The following RCVRN variants were observed in gnomAD, a reference collection of about 807,000 sequenced individuals.
The protein encoded by RCVRN is recoverin.
In RCVRN, 23 loss-of-function variants were observed where a neutral mutation model predicts 20.4. The observed-to-expected ratio is 1.13, with a 90% CI of 0.81 to 1.60. The LOEUF (loss-of-function observed/expected upper bound fraction) is 1.60. RCVRN is among the 40% of genes most tolerant of loss of function. The pLI, the probability that RCVRN is intolerant of heterozygous loss-of-function variation, is 0.00. For missense variants in RCVRN, 254 were observed against 254.2 expected (o/e 1.00, Z 0.00); for synonymous variants, 105 against 105.9 (o/e 0.99, Z 0.05).
Position 9,904,743 on chromosome 17 carries a change from C to T in RCVRN, c.381+57G>A. 6.4e-7 allele frequency: 1 copy of T among 1,567,008 alleles called. No homozygotes were observed. Among genetic ancestry groups the T allele is most frequent in the Non-Finnish European group, 8.7e-7 (1 of 1,153,784 alleles). ...CTCTGCAGCAGCTGCAGCAGGGGAC[C>T]CCCAGCCCGGAGCGACCCCGGCACC... On this transcript the variant is annotated intron_variant, in intron 1 of 2. Coordinates refer to ENST00000226193, the MANE Select transcript of RCVRN (RefSeq NM_002903.3). The surrounding 1 kb of genome is among the most constrained non-coding windows in gnomAD (Gnocchi z 5.8).
intron 1 of RCVRN, among the ~76,000 whole-genome samples, chr17:9,902,276 T>G (rs190249930): frequency 6.2e-4 from 95 of 152,274 alleles, no homozygotes; most frequent in Middle Eastern, 3.4e-3. Flanking sequence ...GAGCTTTCTC[T>G]GCAGGCTGTG....
At chr17:9,900,932 T>C in intron 2 of RCVRN, 57 bp downstream of exon 2, 1 of 1,060,070 alleles carries the variant, frequency 9.4e-7, no homozygotes, top group East Asian at 2.4e-5. Flanking sequence ...TTGTTGGGAT[T>C]TCCAGGAAAC....
In RCVRN at chr17:9,897,943, T is replaced by G; in HGVS notation, c.*152A>C. 1.6e-6 allele frequency: 1 copy of G among 641,344 alleles called. No individual in the cohort carries two copies. The highest frequency in any genetic ancestry group is 2.8e-6 in the Non-Finnish European group (1 of 355,984). The allele number at this position is 641,344 out of a possible 1,614,324, so 39.7% of individuals were successfully genotyped here. On this transcript the variant is annotated 3_prime_UTR_variant, in exon 3 of 3. Transcript: ENST00000226193. ...TTCAGTTTGGCAGGGAGCTGTGCTGTGGGCTTGTGTGCAGGCCTTTCTCTT... is the reference window on the plus strand; with the variant it reads ...TTCAGTTTGGCAGGGAGCTGTGCTGGGGGCTTGTGTGCAGGCCTTTCTCTT...
Position 9,899,921 on chromosome 17 carries a change from G to A in RCVRN, c.493+1068C>T, listed in dbSNP as rs1032358675. Reference sequence around the variant, plus strand: ...AGCTTTTTCTTCTTGAACCTTGGCAGAAGACTGCCTCCAGAGGTCACCAAA... The same window carrying A: ...AGCTTTTTCTTCTTGAACCTTGGCAAAAGACTGCCTCCAGAGGTCACCAAA... On this transcript the variant is annotated intron_variant, in intron 2 of 2. Transcript: ENST00000226193. The surrounding 1 kb of genome is among the most constrained non-coding windows in gnomAD (Gnocchi z 4.6). Among the ~76,000 whole-genome samples the A allele has an allele frequency of 6.6e-6, 1 of 152,290 alleles. No homozygotes were observed. The highest frequency in any genetic ancestry group is 6.5e-5 in the Admixed American group (1 of 15,302).
chr17:9,904,815 C>T lies in RCVRN; in HGVS notation c.366G>A (p.Val122=), dbSNP rs141341165. 240 of 1,613,834 alleles carry T rather than the reference C, an allele frequency of 1.5e-4. 1 individual carries two copies. Among genetic ancestry groups the T allele is most frequent in the Middle Eastern group, 1.6e-4 (1 of 6,064 alleles). ...DGNGTISKNE[V]LEIVMAIFKM... is the part of the protein sequence containing the mutation. ...GGAGACTGACCATGACGATCTCCAG[C>T]ACTTCATTCTTGCTGATGGTCCCGT... is the stretch of plus-strand genomic sequence containing the variant. The change falls in exon 1 of 3, where the codon GTG becomes GTA. Residue 122 remains valine (V), a synonymous_variant. Coordinates refer to ENST00000226193, the MANE Select transcript of RCVRN (RefSeq NM_002903.3). The surrounding 1 kb of genome is among the most constrained non-coding windows in gnomAD (Gnocchi z 5.8).
chr17:9,904,130 A>G lies in RCVRN; in HGVS notation c.381+670T>C, dbSNP rs999078825. ...GTGGTGCACACCTGTAATCCCAGCT[A>G]CTCGGGAGGCTGAGACAGGAGAATT... is the stretch of plus-strand genomic sequence containing the variant. On this transcript the variant is annotated intron_variant, in intron 1 of 2. Transcript: ENST00000226193. This position sits in a 1 kb window ranked among gnomAD's most constrained non-coding sequence, Gnocchi z 5.8. Among the ~76,000 whole-genome samples the G allele has an allele frequency of 2.6e-5, 4 of 152,094 alleles. No individual in the cohort carries two copies. The highest frequency in any genetic ancestry group is 6.5e-5 in the Admixed American group (1 of 15,272).
At chr17:9,898,422 A>G (rs2067328229) in intron 2 of RCVRN, among the ~76,000 whole-genome samples, 1 of 152,190 alleles carries the variant, frequency 6.6e-6, no homozygotes, top group South Asian at 2.1e-4. Context: ...GCAGACCAGC[A>G]AAGAGCGGTG....
At chr17:9,902,170 A>G (rs2152054749) in intron 1 of RCVRN, among the ~76,000 whole-genome samples, 1 of 148,560 alleles carries the variant, frequency 6.7e-6, no homozygotes, top group Non-Finnish European at 1.5e-5. Context: ...ATGAGTATCA[A>G]TTTGTAGGCT....
chr17:9,903,426 G>A (rs954311620), intron 1 of RCVRN, among the ~76,000 whole-genome samples: 4 of 152,350 alleles, frequency 2.6e-5, no homozygotes, highest in Admixed American at 2.0e-4. Flanking sequence ...GGGGAGCCAC[G>A]CCGCGCGTGG....
At position 9,896,860 on chromosome 17, in the gene RCVRN, T is replaced by A. The variant is rs2067319311; in HGVS notation, c.*1235A>T. The A allele has an allele frequency of 6.6e-6, 1 of 152,494 alleles. No homozygotes were observed. Among genetic ancestry groups the A allele is most frequent in the Non-Finnish European group, 1.5e-5 (1 of 68,238 alleles). The allele number at this position is 152,494 out of a possible 1,614,324, so 9.4% of individuals were successfully genotyped here. ...GTATTTCTCATCTCCATAGATGGCA[T>A]TGCTATTCACCCACTGCCCAAGCTA... On this transcript the variant is annotated 3_prime_UTR_variant, in exon 3 of 3. Coordinates refer to ENST00000226193, the MANE Select transcript of RCVRN (RefSeq NM_002903.3).
chr17:9,898,154 T>C lies in RCVRN; in HGVS notation c.544A>G (p.Ile182Val). ...GGCTCAAACTGGATCAGTCGCAGAA[T>C]TTCCTTATTGGCCAGTGTCCCCTCA... ...FIEGTLANKE[I>V]LRLIQFEPQK... The change falls in exon 3 of 3, where the codon ATT (isoleucine) becomes GTT (valine). Residue 182 changes from isoleucine (I) to valine (V), a missense_variant. Ile to Val is a conservative substitution (Grantham distance 29). Transcript: ENST00000226193. 6.2e-7 allele frequency: 1 copy of C among 1,614,090 alleles called. No individual in the cohort carries two copies.
rs140483985 is a variant in RCVRN, at chr17:9,901,307, A to T, written c.382-207T>A. On this transcript the variant is annotated intron_variant, in intron 1 of 2. Transcript: ENST00000226193. ...TCTTGACGATAATTTTTTGGATATG[A>T]CACCAAAAGCAAAGGCAACATAAAC... is the stretch of plus-strand genomic sequence containing the variant. 4.0e-4 allele frequency: 164 copies of T among 412,042 alleles called. 1 individual carries two copies. The highest frequency in any genetic ancestry group is 3.1e-3 in the African/African-American group (153 of 49,454). 25.5% of individuals were successfully genotyped at this position (412,042 alleles called of 1,614,324 possible).
rs954172658 is a variant in RCVRN, at chr17:9,897,525, A to G, written c.*570T>C. The G allele has an allele frequency of 6.6e-6, 1 of 152,580 alleles. No individual in the cohort carries two copies. 9.5% of individuals were successfully genotyped at this position (152,580 alleles called of 1,614,324 possible). ...TCCATGGTAACCTGGGCCACTGGTCATGGCTCCTTCCAGGTTCATTGTCCC... is the reference window on the plus strand; with the variant it reads ...TCCATGGTAACCTGGGCCACTGGTCGTGGCTCCTTCCAGGTTCATTGTCCC... On this transcript the variant is annotated 3_prime_UTR_variant, in exon 3 of 3. Coordinates refer to ENST00000226193, the MANE Select transcript of RCVRN (RefSeq NM_002903.3).
chr17:9,900,394 G>C (rs1246140937), intron 2 of RCVRN, among the ~76,000 whole-genome samples: 1 of 150,310 alleles, frequency 6.7e-6, no homozygotes, highest in African/African-American at 2.5e-5. Context: ...AGACTGACAG[G>C]GGCACTGAGG....
chr17:9,900,079 C>T (rs2067334767), intron 2 of RCVRN, among the ~76,000 whole-genome samples: 1 of 152,188 alleles, frequency 6.6e-6, no homozygotes, highest in Non-Finnish European at 1.5e-5. Context: ...CCACGGGTTC[C>T]ATAGCCCCAC....
chr17:9,896,783 A>G lies in RCVRN; in HGVS notation c.*1312T>C, dbSNP rs1567746072. 6.6e-6 allele frequency: 1 copy of G among 152,110 alleles called. No homozygotes were observed. Among genetic ancestry groups the G allele is most frequent in the African/African-American group, 2.4e-5 (1 of 41,420 alleles). The allele number at this position is 152,110 out of a possible 1,614,324, so 9.4% of individuals were successfully genotyped here. ...ATCTATGGCTCTGCCTTCACCTCAT[A>G]CTATATTGAAGCTGAATTCATCATT... On this transcript the variant is annotated 3_prime_UTR_variant, in exon 3 of 3. Coordinates refer to ENST00000226193, the MANE Select transcript of RCVRN (RefSeq NM_002903.3).
chr17:9,897,427 AGGG>A lies in RCVRN; in HGVS notation c.*665_*667del, dbSNP rs74420471. The A allele has an allele frequency of 0.16, 23,928 of 150,148 alleles. 2,530 individuals are homozygous for A. The highest frequency in any genetic ancestry group is 0.24 in the Non-Finnish European group (16,048 of 67,658). 9.3% of individuals were successfully genotyped at this position (150,148 alleles called of 1,614,324 possible). A position where few individuals can be genotyped will look rare whatever the true frequency, so the allele number is the denominator to read the frequency against. On this transcript the variant is annotated 3_prime_UTR_variant, in exon 3 of 3. Coordinates refer to ENST00000226193, the MANE Select transcript of RCVRN (RefSeq NM_002903.3). ...TTCTGAATTTAAATCTCCCTTCGTC[AGGG>A]ATGTGGTCCCTGATCCCCCCTGACA...
intron 1 of RCVRN, among the ~76,000 whole-genome samples, chr17:9,901,726 C>T (rs981347550): frequency 6.6e-6 from 1 of 152,218 alleles, no homozygotes; most frequent in Non-Finnish European, 1.5e-5. Context: ...TAGAAGCTGG[C>T]AGTGAGTGCC....
intron 2 of RCVRN, 130 bp from the exon 3 acceptor site, chr17:9,898,334 C>T: frequency 1.5e-6 from 1 of 649,352 alleles, no homozygotes; most frequent in Non-Finnish European, 2.8e-6. Flanking sequence ...ATTGAATACT[C>T]AGTGGCCCTG....
Sources: gnomAD v4.1 joint callset for allele counts (sites outside exome capture counted in the v4.1 genomes callset) on GRCh38, gnomAD v4.1.1 for gene constraint, Gnocchi (gnomAD v3.1) non-coding constraint, MANE v1.5 for transcripts, NCBI Gene and HGNC (gene_info 2026-07-23, HGNC 2026-07-21) for gene names.